The following ARHGAP12 variants were observed in gnomAD, a reference collection of about 807,000 sequenced individuals.
ARHGAP12 encodes Rho GTPase activating protein 12.
In ARHGAP12, 64 loss-of-function variants were observed where a neutral mutation model predicts 108.6. The ratio of observed to expected loss-of-function variants is 0.59; its 90% CI spans 0.48 to 0.73. The LOEUF (loss-of-function observed/expected upper bound fraction) is 0.73. Ranked by LOEUF, ARHGAP12 falls within the 30% of genes least tolerant of loss-of-function variation. The pLI is 0.00. For missense variants in ARHGAP12, 940 were observed against 1,005.9 expected, an observed-to-expected ratio of 0.93 and a Z score of 0.89; for synonymous variants, 312 against 337.2, an observed-to-expected ratio of 0.93 and a Z score of 0.82.
intron 16 of ARHGAP12, chr10:31,809,551 CA>C (rs1189701173): frequency 5.2e-6 from 2 of 388,142 alleles, no homozygotes; most frequent in African/African-American, 2.1e-5. Context: ...GACTGTGAAT[CA>C]GCTCAAGGAA....
In ARHGAP12 at chr10:31,909,295, T is replaced by G. The variant is rs149446611; in HGVS notation, c.-71-369A>C. On this transcript the variant is annotated intron_variant, in intron 2 of 19. Coordinates refer to ENST00000344936, the MANE Select transcript of ARHGAP12 (RefSeq NM_018287.7). ...TAACTAATATGCATTTACTTTCATT[T>G]CTATAACAATTCCAAAATATTTTAG... Among the ~76,000 whole-genome samples the G allele has an allele frequency of 1.6e-4, 25 of 152,326 alleles. No homozygotes were observed. In the East Asian group the frequency reaches 2.9e-3, roughly 18 times the overall value.
At position 31,807,166 on chromosome 10, in the gene ARHGAP12, C is replaced by T. The variant is rs993308137; in HGVS notation, c.*492G>A. 1.3e-5 allele frequency: 2 copies of T among 152,612 alleles called. No individual in the cohort carries two copies. The highest frequency in any genetic ancestry group is 4.8e-5 in the African/African-American group (2 of 41,418). The allele number at this position is 152,612 out of a possible 1,614,324, so 9.5% of individuals were successfully genotyped here. Reference sequence around the variant, plus strand: ...TTATAATGAATTTTGGCACTTAAGACTGCCACTGCATGCAGAAACCCCGAA... The same window carrying T: ...TTATAATGAATTTTGGCACTTAAGATTGCCACTGCATGCAGAAACCCCGAA... On this transcript the variant is annotated 3_prime_UTR_variant, in exon 20 of 20. Transcript: ENST00000344936.
chr10:31,853,658 T>C (rs1465368024), intron 5 of ARHGAP12, among the ~76,000 whole-genome samples: 2 of 152,152 alleles, frequency 1.3e-5, no homozygotes, highest in Non-Finnish European at 2.9e-5. Flanking sequence ...AATACTAGAT[T>C]GATGGTTTTT....
At chr10:31,828,300 T>C (rs1384270341) in intron 10 of ARHGAP12, among the ~76,000 whole-genome samples, 1 of 152,136 alleles carries the variant, frequency 6.6e-6, no homozygotes, top group Non-Finnish European at 1.5e-5. Flanking sequence ...TTTTTTATGC[T>C]TCAGTCTGAG....
chr10:31,806,711 C>T lies in ARHGAP12; in HGVS notation c.*947G>A, dbSNP rs1480528548. ...AATGTAGTTAATATCTAAAAGTGCA[C>T]ACAGTTAACTTTCCCAAATAACGGA... On this transcript the variant is annotated 3_prime_UTR_variant, in exon 20 of 20. Transcript: ENST00000344936. The T allele has an allele frequency of 6.6e-6, 1 of 151,872 alleles. No individual in the cohort carries two copies. Among genetic ancestry groups the T allele is most frequent in the Non-Finnish European group, 1.5e-5 (1 of 67,940 alleles). 9.4% of individuals were successfully genotyped at this position (151,872 alleles called of 1,614,324 possible).
At chr10:31,894,761 A>G (rs1838607382) in intron 3 of ARHGAP12, among the ~76,000 whole-genome samples, 5 of 152,314 alleles carry the variant, frequency 3.3e-5, no homozygotes, top group Admixed American at 3.3e-4. Context: ...TAAAGTTCAT[A>G]TGGAACCAAA....
chr10:31,916,038 C>A (rs1257214257), intron 1 of ARHGAP12, among the ~76,000 whole-genome samples: 1 of 152,116 alleles, frequency 6.6e-6, no homozygotes, highest in Non-Finnish European at 1.5e-5. Context: ...CGCTGTTTAT[C>A]CTGTTTCTAT....
intron 4 of ARHGAP12, among the ~76,000 whole-genome samples, chr10:31,857,128 C>A (rs185074524): frequency 6.6e-6 from 1 of 152,048 alleles, no homozygotes; most frequent in Non-Finnish European, 1.5e-5. Context: ...ATCATTCATA[C>A]GCACACGTGT....
intron 3 of ARHGAP12, among the ~76,000 whole-genome samples, chr10:31,901,394 A>T (rs1838917934): frequency 6.6e-6 from 1 of 151,382 alleles, no homozygotes; most frequent in African/African-American, 2.4e-5. Context: ...ATTAGCTGGG[A>T]ATGGTGGTGG....
intron 10 of ARHGAP12, among the ~76,000 whole-genome samples, chr10:31,827,449 C>T (rs944344078): frequency 2.0e-5 from 3 of 152,110 alleles, no homozygotes; most frequent in African/African-American, 4.8e-5. Flanking sequence ...CTGTCTACTG[C>T]AGGGATTTAT....
At chr10:31,890,347 T>C (rs2808073) in intron 3 of ARHGAP12, among the ~76,000 whole-genome samples, 70,071 of 152,030 alleles carry the variant, frequency 0.46, 16,430 homozygotes, top group Middle Eastern at 0.51. Context: ...TCTAAGATGA[T>C]TGGAACTTCA....
In ARHGAP12 at chr10:31,810,729, T is replaced by C. The variant is rs768674253; in HGVS notation, c.1970A>G (p.Asn657Ser). 2.9e-5 allele frequency: 47 copies of C among 1,610,220 alleles called. No individual in the cohort carries two copies. The South Asian group carries it at 3.2e-4, about 11-fold the overall frequency. The change falls in exon 16 of 20, where the codon AAT becomes AGT. Residue 657 changes from asparagine to serine, a missense_variant. Coordinates refer to ENST00000344936, the MANE Select transcript of ARHGAP12 (RefSeq NM_018287.7). Reference sequence around the variant, plus strand: ...CTCTCTCTGACACAGATTAGCGAGATTGGATCCAAATACCTGATCTGAAAA... The same window carrying C: ...CTCTCTCTGACACAGATTAGCGAGACTGGATCCAAATACCTGATCTGAAAA... Reference protein sequence around the residue: ...GYIKDQVFGSNLANLCQRENG... With the variant: ...GYIKDQVFGSSLANLCQRENG...
intron 3 of ARHGAP12, among the ~76,000 whole-genome samples, chr10:31,874,353 C>T (rs779628266): frequency 1.3e-5 from 2 of 152,118 alleles, no homozygotes; most frequent in Non-Finnish European, 2.9e-5. Flanking sequence ...AGGTTGTGTT[C>T]ACTTCAAATG....
At chr10:31,868,467 G>A (rs1232861977) in intron 3 of ARHGAP12, among the ~76,000 whole-genome samples, 1 of 152,040 alleles carries the variant, frequency 6.6e-6, no homozygotes, top group Non-Finnish European at 1.5e-5. Context: ...CCCTTGTCTA[G>A]TCCACCAGAC....
intron 1 of ARHGAP12, among the ~76,000 whole-genome samples, chr10:31,921,763 CAAAAAAAA>C (rs57420280): frequency 2.3e-3 from 86 of 37,922 alleles, no homozygotes; most frequent in African/African-American, 6.9e-3. Context: ...GGCTCCATCT[CAAAAAAAA>C]AAAAAAAAAA....
At chr10:31,810,809 T>C (rs1834988270) in intron 15 of ARHGAP12, 62 bp from the exon 16 acceptor site, 1 of 1,300,680 alleles carries the variant, frequency 7.7e-7, no homozygotes, top group African/African-American at 1.5e-5. Flanking sequence ...ATGAAATGGC[T>C]AACCATTCAG....
At chr10:31,928,027 A>G (rs1280071330) in intron 1 of ARHGAP12, among the ~76,000 whole-genome samples, 1 of 152,216 alleles carries the variant, frequency 6.6e-6, no homozygotes, top group Non-Finnish European at 1.5e-5. Flanking sequence ...CGCAAAGAAG[A>G]AAGTGTCCGG....
intron 14 of ARHGAP12, among the ~76,000 whole-genome samples, chr10:31,813,120 T>C (rs532688328): frequency 3.9e-5 from 6 of 152,160 alleles, no homozygotes; most frequent in Non-Finnish European, 7.4e-5. Context: ...ACATATTCTT[T>C]ATTTCATAAA....
chr10:31,867,963 G>A (rs1369101123), intron 3 of ARHGAP12, among the ~76,000 whole-genome samples: 1 of 152,072 alleles, frequency 6.6e-6, no homozygotes, highest in East Asian at 1.9e-4. Flanking sequence ...ACTTTAGTAG[G>A]AGGCCGAGGG....
Sources: allele counts gnomAD v4.1 joint callset (sites outside exome capture counted in the v4.1 genomes callset), GRCh38; gene constraint gnomAD v4.1.1; transcripts MANE v1.5; gene names NCBI Gene and HGNC (gene_info 2026-07-23, HGNC 2026-07-21).